CNTN3: variants seen among roughly 807,000 people sequenced by gnomAD.
CNTN3 encodes contactin-3.
CNTN3 carries 60 observed loss-of-function variants against 119.1 expected under a neutral mutation model. The ratio of observed to expected loss-of-function variants is 0.50; its 90% CI spans 0.41 to 0.62. The LOEUF (loss-of-function observed/expected upper bound fraction) is 0.62. Among genes scored for constraint, CNTN3 ranks in the 20% least tolerant of loss-of-function variants. The pLI, the probability that CNTN3 is intolerant of heterozygous loss-of-function variation, is 0.00. For synonymous variants in CNTN3, 450 were observed against 438.7 expected (o/e 1.03, Z -0.32); for missense variants, 1,101 against 1,242.4 (o/e 0.89, Z 1.71).
intron 4 of CNTN3, among the ~76,000 whole-genome samples, chr3:74,458,388 A>G (rs1575746368): frequency 6.6e-6 from 1 of 152,062 alleles, no homozygotes. Flanking sequence ...AATGGCTTGT[A>G]TATTTTAAGT....
At chr3:74,311,619 C>A (rs952922342) in intron 13 of CNTN3, among the ~76,000 whole-genome samples, 1 of 152,102 alleles carries the variant, frequency 6.6e-6, no homozygotes, top group African/African-American at 2.4e-5. Context: ...GAAATTAGAG[C>A]AAACCATCTA....
chr3:74,496,210 C>T (rs1703060382), intron 3 of CNTN3, among the ~76,000 whole-genome samples: 1 of 152,156 alleles, frequency 6.6e-6, no homozygotes, highest in Non-Finnish European at 1.5e-5. Flanking sequence ...ACATGGGCCA[C>T]ATTCAGACTT....
chr3:74,478,240 A>G (rs1164820471), intron 4 of CNTN3, among the ~76,000 whole-genome samples: 1 of 152,066 alleles, frequency 6.6e-6, no homozygotes, highest in East Asian at 1.9e-4. Flanking sequence ...ACGGCTTAGG[A>G]CTGGGGGTAG....
At chr3:74,375,320 G>C (rs1054036820) in intron 5 of CNTN3, among the ~76,000 whole-genome samples, 1 of 152,090 alleles carries the variant, frequency 6.6e-6, no homozygotes, top group Non-Finnish European at 1.5e-5. Context: ...CTCAGACAGA[G>C]GATCTAGACA....
At chr3:74,395,768 GT>G (rs1179598097) in intron 5 of CNTN3, among the ~76,000 whole-genome samples, 1 of 152,028 alleles carries the variant, frequency 6.6e-6, no homozygotes, top group African/African-American at 2.4e-5. Context: ...GTGTGTGTGT[GT>G]TTTTTTAAAT....
At chr3:74,598,384 A>G (rs1704848363) in intron 1 of CNTN3, among the ~76,000 whole-genome samples, 1 of 152,124 alleles carries the variant, frequency 6.6e-6, no homozygotes, top group South Asian at 2.1e-4. Flanking sequence ...TATAGCAACC[A>G]ACACCATATG....
intron 3 of CNTN3, among the ~76,000 whole-genome samples, chr3:74,487,389 T>G (rs1702878054): frequency 6.6e-6 from 1 of 152,096 alleles, no homozygotes; most frequent in Admixed American, 6.6e-5. Context: ...CAAGAACACA[T>G]TACCGTAAAA....
At position 74,361,681 on chromosome 3, in the gene CNTN3, C is replaced by T. The variant is rs148422939; in HGVS notation, c.1364+209G>A. ...AGAGAAAGTACTCTATGTGGGAAGACCTTGGATATATTTTCTGTGTTTAGA... is the reference window on the plus strand; with the variant it reads ...AGAGAAAGTACTCTATGTGGGAAGATCTTGGATATATTTTCTGTGTTTAGA... On this transcript the variant is annotated intron_variant, in intron 11 of 22. Transcript: ENST00000263665. Among the ~76,000 whole-genome samples the T allele has an allele frequency of 1.4e-3, 212 of 152,078 alleles. 5 individuals are homozygous for T. Among genetic ancestry groups the T allele is most frequent in the Admixed American group, 0.012 (187 of 15,248 alleles).
intron 11 of CNTN3, among the ~76,000 whole-genome samples, chr3:74,346,397 T>C (rs1177774144): frequency 6.6e-6 from 1 of 152,054 alleles, no homozygotes; most frequent in Non-Finnish European, 1.5e-5. Flanking sequence ...ATTATATATA[T>C]ATATTTTTAG....
At chr3:74,569,763 C>G (rs747812332) in intron 1 of CNTN3, among the ~76,000 whole-genome samples, 2 of 152,148 alleles carry the variant, frequency 1.3e-5, no homozygotes, top group Non-Finnish European at 2.9e-5. Flanking sequence ...GTCCTCTGCT[C>G]GGGCTCTCAG....
intron 4 of CNTN3, among the ~76,000 whole-genome samples, chr3:74,473,046 T>C (rs998900068): frequency 5.3e-5 from 8 of 151,664 alleles, no homozygotes. Context: ...TGCTTCTAAA[T>C]ATTATAATCT....
chr3:74,416,288 TA>T (rs1411742598), intron 5 of CNTN3, among the ~76,000 whole-genome samples: 6 of 152,246 alleles, frequency 3.9e-5, no homozygotes. Context: ...TTTGTATGTG[TA>T]TAAATAAATC....
intron 1 of CNTN3, among the ~76,000 whole-genome samples, chr3:74,610,588 T>C (rs1259225383): frequency 2.0e-5 from 3 of 152,142 alleles, no homozygotes; most frequent in Non-Finnish European, 4.4e-5. Flanking sequence ...AGTTTGGATT[T>C]TATTCTGAGT....
At chr3:74,299,752 G>A in intron 17 of CNTN3, 116 bp downstream of exon 17, 3 of 721,932 alleles carry the variant, frequency 4.2e-6, no homozygotes, top group Non-Finnish European at 4.5e-6. Context: ...GCACCCACCA[G>A]CCACACCCCC....
At chr3:74,338,305 G>A (rs1363637844) in intron 11 of CNTN3, among the ~76,000 whole-genome samples, 1 of 151,664 alleles carries the variant, frequency 6.6e-6, no homozygotes, top group Non-Finnish European at 1.5e-5. Context: ...AAAATTTTTA[G>A]GTGTGTTTCA....
intron 14 of CNTN3, among the ~76,000 whole-genome samples, chr3:74,302,291 T>C (rs1165574958): frequency 6.6e-6 from 1 of 152,206 alleles, no homozygotes; most frequent in Non-Finnish European, 1.5e-5. Flanking sequence ...ATTTTCTCAG[T>C]CATTCTGAAT....
intron 22 of CNTN3, 61 bp downstream of exon 22, chr3:74,266,420 T>C: frequency 6.9e-7 from 1 of 1,457,542 alleles, no homozygotes; most frequent in Non-Finnish European, 9.5e-7. Context: ...ACTGATTGAC[T>C]CACTATGGCG....
At chr3:74,342,927 C>A (rs947196661) in intron 11 of CNTN3, among the ~76,000 whole-genome samples, 2 of 152,026 alleles carry the variant, frequency 1.3e-5, no homozygotes, top group East Asian at 3.9e-4. Context: ...CTCAGACGCA[C>A]GAAGTAGTAA....
intron 13 of CNTN3, among the ~76,000 whole-genome samples, chr3:74,319,812 A>G (rs1294397848): frequency 7.0e-6 from 1 of 142,138 alleles, no homozygotes; most frequent in African/African-American, 2.6e-5. Flanking sequence ...ACTCAAACAA[A>G]TTTACAAAAA....
Sources: gnomAD v4.1 joint callset for allele counts (sites outside exome capture counted in the v4.1 genomes callset) on GRCh38, gnomAD v4.1.1 for gene constraint, MANE v1.5 for transcripts, NCBI Gene and HGNC (gene_info 2026-07-23, HGNC 2026-07-21) for gene names.